The following UTP4 variants were observed in gnomAD, a reference collection of about 807,000 sequenced individuals.
The protein encoded by UTP4 is UTP4 small subunit processome component, also known as U3 small nucleolar RNA-associated protein 4 homolog.
UTP4 carries 45 observed loss-of-function variants against 82.4 expected under a neutral mutation model. The observed-to-expected ratio is 0.55, with a 90% CI of 0.43 to 0.70. The LOEUF (loss-of-function observed/expected upper bound fraction) is 0.70, where lower values mean the gene tolerates loss of function less well. Ranked by LOEUF, UTP4 falls within the 30% of genes least tolerant of loss-of-function variation. The probability of loss-of-function intolerance (pLI) is 0.00; values close to 1 mark genes in which losing one functional copy is unlikely to be tolerated. For missense variants in UTP4, 819 were observed against 858.3 expected (o/e 0.95, Z 0.57); for synonymous variants, 348 against 300.3 (o/e 1.16, Z -1.64).
chr16:69,162,604 C>T (rs1271462986), intron 13 of UTP4, among the ~76,000 whole-genome samples: 2 of 150,768 alleles, frequency 1.3e-5, no homozygotes, highest in African/African-American at 2.4e-5. Context: ...CCCAGCTGCT[C>T]GGGAGGCTGA....
At chr16:69,154,872 G>A (rs374097220) in intron 10 of UTP4, among the ~76,000 whole-genome samples, 2 of 152,058 alleles carry the variant, frequency 1.3e-5, no homozygotes, top group Non-Finnish European at 2.9e-5. Context: ...GGGATTACAT[G>A]CATGCGCCAC....
intron 11 of UTP4, 89 bp from the exon 12 acceptor site, chr16:69,156,994 AT>A (rs949388144): frequency 7.2e-7 from 1 of 1,386,886 alleles, no homozygotes; most frequent in African/African-American, 1.4e-5. Flanking sequence ...GACAGGAAGC[AT>A]TAATGTACCT....
intron 6 of UTP4, among the ~76,000 whole-genome samples, chr16:69,149,619 C>G (rs965328425): frequency 6.6e-6 from 1 of 152,190 alleles, no homozygotes; most frequent in African/African-American, 2.4e-5. Context: ...TCTCCAACTT[C>G]TGGGCTCAAG....
chr16:69,135,017 C>CT lies in UTP4; in HGVS notation c.159+1414dup, dbSNP rs1027253401. Reference sequence around the variant, plus strand: ...TCTTTTTCTTGGTCTTGTTCTTCTTCTTTTTTTTTTTTTTTAACAGTCATG... The same window carrying CT: ...TCTTTTTCTTGGTCTTGTTCTTCTTCTTTTTTTTTTTTTTTTAACAGTCATG... On this transcript the variant is annotated intron_variant, in intron 2 of 16. Coordinates refer to ENST00000314423, the MANE Select transcript of UTP4 (RefSeq NM_032830.3). 5.0e-3 allele frequency among the ~76,000 whole-genome samples: 671 copies of CT among 133,308 alleles called. 3 individuals carry two copies. Among genetic ancestry groups the CT allele is most frequent in the African/African-American group, 9.4e-3 (343 of 36,362 alleles). The allele number at this position is 133,308 out of a possible 152,430, so 87.5% of individuals were successfully genotyped here. A position where few individuals can be genotyped will look rare whatever the true frequency, so the allele number is the denominator to read the frequency against.
intron 16 of UTP4, among the ~76,000 whole-genome samples, 185 bp from the exon 17 acceptor site, chr16:69,168,636 A>T (rs1219104226): frequency 6.6e-6 from 1 of 152,130 alleles, no homozygotes; most frequent in Non-Finnish European, 1.5e-5. Flanking sequence ...AAAATAAAAA[A>T]AAAAGCTTTT....
intron 4 of UTP4, 39 bp from the exon 5 acceptor site, chr16:69,139,786 G>A (rs762491281): frequency 1.7e-5 from 22 of 1,317,864 alleles, no homozygotes; most frequent in Non-Finnish European, 2.3e-5. Flanking sequence ...GTATATTTAT[G>A]TGTATGTCAC....
intron 14 of UTP4, among the ~76,000 whole-genome samples, chr16:69,164,475 T>G (rs955560212): frequency 1.3e-5 from 2 of 151,774 alleles, no homozygotes; most frequent in Non-Finnish European, 2.9e-5. Context: ...AACAGTACTC[T>G]CACACATTGT....
chr16:69,133,328 T>C (rs1334551274), intron 1 of UTP4, 130 bp from the exon 2 acceptor site: 2 of 853,230 alleles, frequency 2.3e-6, no homozygotes, highest in East Asian at 5.2e-5. Flanking sequence ...TTAGCAGCCA[T>C]TTGGAAATGA....
intron 5 of UTP4, among the ~76,000 whole-genome samples, chr16:69,140,718 C>T (rs1325065909): frequency 6.7e-6 from 1 of 149,176 alleles, no homozygotes; most frequent in Non-Finnish European, 1.5e-5. Context: ...AGAGGGAGTC[C>T]TTCTATATCT....
chr16:69,145,336 C>T (rs1443527582), intron 6 of UTP4, among the ~76,000 whole-genome samples: 1 of 151,936 alleles, frequency 6.6e-6, no homozygotes, highest in African/African-American at 2.4e-5. Flanking sequence ...TCTCGGCTCA[C>T]TACAACCTCT....
intron 6 of UTP4, 105 bp downstream of exon 6, chr16:69,143,494 T>A: frequency 1.0e-6 from 1 of 996,748 alleles, no homozygotes; most frequent in Non-Finnish European, 1.6e-6. Flanking sequence ...GATCCTGATG[T>A]TGTACTGGAG....
chr16:69,135,368 G>C (rs973162728), intron 2 of UTP4, among the ~76,000 whole-genome samples: 3 of 151,752 alleles, frequency 2.0e-5, no homozygotes, highest in Non-Finnish European at 4.4e-5. Flanking sequence ...TACTAGATAC[G>C]ATTGCTTAGC....
At chr16:69,143,474 A>ACTGGTTC (rs2152278184) in intron 6 of UTP4, 85 bp downstream of exon 6, 1 of 1,175,588 alleles carries the variant, frequency 8.5e-7, no homozygotes, top group South Asian at 1.2e-5. Flanking sequence ...TGCCATGAAC[A>ACTGGTTC]CTGGTTCCTG....
chr16:69,139,659 T>A (rs1192258620), intron 4 of UTP4, 166 bp from the exon 5 acceptor site: 1 of 233,860 alleles, frequency 4.3e-6, no homozygotes, highest in Non-Finnish European at 8.0e-6. Flanking sequence ...AATAAATAAA[T>A]AAATAAATAA....
chr16:69,167,423 G>T, intron 16 of UTP4: 1 of 502,514 alleles, frequency 2.0e-6, no homozygotes, highest in South Asian at 2.1e-5. Flanking sequence ...TAAGTAGTGA[G>T]AAATGTTGGC....
At chr16:69,143,693 G>A (rs182191183) in intron 6 of UTP4, among the ~76,000 whole-genome samples, 2 of 152,214 alleles carry the variant, frequency 1.3e-5, no homozygotes, top group South Asian at 2.1e-4. Flanking sequence ...CTGGAGAAGC[G>A]CTATGTTTAT....
rs754013896 is a variant in UTP4, at chr16:69,153,594, T to C, written c.1013T>C (p.Ile338Thr). 26 of 1,612,642 alleles carry C rather than the reference T, an allele frequency of 1.6e-5. No homozygotes were observed. The highest frequency in any genetic ancestry group is 2.2e-5 in the Non-Finnish European group (26 of 1,179,106). The change falls in exon 9 of 17, where the codon ATC becomes ACC. Residue 338 changes from isoleucine (I) to threonine (T), a missense_variant. Coordinates refer to ENST00000314423, the MANE Select transcript of UTP4 (RefSeq NM_032830.3). ...GATTCTTGGATATAGCGATGTCTCA[T>C]CTCCTGTTCTAAAAAGAGGCAGCTT... Reference protein sequence around the residue: ...RKITFPHRCLISCSKKRQLLL... With the variant: ...RKITFPHRCLTSCSKKRQLLL...
chr16:69,148,155 T>G (rs1204056081), intron 6 of UTP4, among the ~76,000 whole-genome samples: 2 of 151,866 alleles, frequency 1.3e-5, no homozygotes, highest in East Asian at 3.9e-4. Context: ...TAGAGATGGG[T>G]TTTCACCGTG....
intron 13 of UTP4, among the ~76,000 whole-genome samples, chr16:69,161,623 T>G (rs2152283375): frequency 6.6e-6 from 1 of 152,376 alleles, no homozygotes; most frequent in Non-Finnish European, 1.5e-5. Context: ...AAGGCTTTAC[T>G]CTCAGTTCTC....
Sources: allele counts gnomAD v4.1 joint callset (sites outside exome capture counted in the v4.1 genomes callset), GRCh38; gene constraint gnomAD v4.1.1; transcripts MANE v1.5; gene names NCBI Gene and HGNC (gene_info 2026-07-23, HGNC 2026-07-21).